Variants in CDH12 observed in about 807,000 individuals in gnomAD.
CDH12 encodes the protein cadherin 12, also known as cadherin-12.
Under a neutral mutation model 74.1 loss-of-function variants are expected in CDH12, and 41 were observed. The observed-to-expected ratio is 0.55, with a 90% CI of 0.43 to 0.72. The LOEUF is 0.72. Ranked by LOEUF, CDH12 falls within the 30% of genes least tolerant of loss-of-function variation. CDH12 has a pLI of 0.00. For synonymous variants in CDH12, 399 were observed against 355.0 expected, an observed-to-expected ratio of 1.12 and a Z score of -1.39; for missense variants, 945 against 977.2, an observed-to-expected ratio of 0.97 and a Z score of 0.44.
intron 4 of CDH12, among the ~76,000 whole-genome samples, chr5:22,155,539 C>G (rs948275040): frequency 6.6e-6 from 1 of 151,918 alleles, no homozygotes; most frequent in Non-Finnish European, 1.5e-5. Flanking sequence ...AACAATTAAG[C>G]CTAGTCTATA....
At chr5:22,852,069 T>C (rs1737581570) in intron 1 of CDH12, among the ~76,000 whole-genome samples, 1 of 152,166 alleles carries the variant, frequency 6.6e-6, no homozygotes, top group Non-Finnish European at 1.5e-5. Context: ...ATCTACTCTA[T>C]TTGAATTTTT....
intron 1 of CDH12, among the ~76,000 whole-genome samples, chr5:22,573,345 T>C: frequency 6.6e-6 from 1 of 152,294 alleles, no homozygotes; most frequent in African/African-American, 2.4e-5. Flanking sequence ...AGTTTTAAGG[T>C]AAAACTTGAG....
intron 2 of CDH12, among the ~76,000 whole-genome samples, chr5:22,417,290 G>T (rs1246614328): frequency 6.6e-6 from 1 of 152,216 alleles, no homozygotes; most frequent in Non-Finnish European, 1.5e-5. Context: ...AATGCAACAG[G>T]GTTGAGAGTT....
At chr5:22,563,118 G>GA (rs1306279142) in intron 1 of CDH12, among the ~76,000 whole-genome samples, 1 of 149,088 alleles carries the variant, frequency 6.7e-6, no homozygotes, top group Non-Finnish European at 1.5e-5. Flanking sequence ...ATAATAGGAG[G>GA]AAAACCTAAG....
At chr5:22,828,645 C>T (rs922721769) in intron 1 of CDH12, among the ~76,000 whole-genome samples, 5 of 152,080 alleles carry the variant, frequency 3.3e-5, no homozygotes, top group Admixed American at 6.6e-5. Flanking sequence ...ACTAATGTGA[C>T]CCAAGAGAAA....
At chr5:22,119,443 C>T (rs1277462960) in intron 4 of CDH12, among the ~76,000 whole-genome samples, 2 of 152,072 alleles carry the variant, frequency 1.3e-5, no homozygotes, top group East Asian at 1.9e-4. Flanking sequence ...GTGCATGCCA[C>T]CATGCCAGGC....
chr5:21,811,185 T>C (rs2149936666), intron 9 of CDH12, among the ~76,000 whole-genome samples: 1 of 152,192 alleles, frequency 6.6e-6, no homozygotes, highest in South Asian at 2.1e-4. Flanking sequence ...GCACTGTCTC[T>C]AATTCCAAAA....
chr5:22,070,278 C>T (rs1741857229), intron 5 of CDH12, among the ~76,000 whole-genome samples: 1 of 152,018 alleles, frequency 6.6e-6, no homozygotes. Flanking sequence ...GCATGCAAGA[C>T]AGTTATATTC....
intron 4 of CDH12, among the ~76,000 whole-genome samples, chr5:22,135,394 G>A (rs1250429830): frequency 1.3e-5 from 2 of 151,772 alleles, no homozygotes; most frequent in African/African-American, 2.4e-5. Flanking sequence ...CATATTTCAA[G>A]GTGAATACTG....
At chr5:22,467,067 G>A (rs896170997) in intron 2 of CDH12, among the ~76,000 whole-genome samples, 1 of 151,966 alleles carries the variant, frequency 6.6e-6, no homozygotes, top group Non-Finnish European at 1.5e-5. Flanking sequence ...TTACAAGCGT[G>A]AGCCACCGTG....
At chr5:22,032,436 G>T (rs2150174413) in intron 5 of CDH12, among the ~76,000 whole-genome samples, 1 of 152,096 alleles carries the variant, frequency 6.6e-6, no homozygotes, top group East Asian at 1.9e-4. Flanking sequence ...AAGGGGCCAG[G>T]CACGGTGGCT....
intron 3 of CDH12, among the ~76,000 whole-genome samples, chr5:22,373,289 A>G (rs1350799455): frequency 6.6e-6 from 1 of 152,052 alleles, no homozygotes; most frequent in Non-Finnish European, 1.5e-5. Context: ...ACCTGTGTGG[A>G]CTGACCTGCC....
chr5:22,809,704 G>T (rs1483491579), intron 1 of CDH12, among the ~76,000 whole-genome samples: 1 of 151,888 alleles, frequency 6.6e-6, no homozygotes, highest in Non-Finnish European at 1.5e-5. Flanking sequence ...GCAGAAGGTA[G>T]ATATCATTTC....
chr5:22,133,225 T>G (rs2150289359), intron 4 of CDH12, among the ~76,000 whole-genome samples: 1 of 152,272 alleles, frequency 6.6e-6, no homozygotes, highest in South Asian at 2.1e-4. Context: ...AACTAGTATC[T>G]TATAACTAGA....
chr5:21,769,705 G>C (rs1197220471), intron 11 of CDH12, among the ~76,000 whole-genome samples: 2 of 152,126 alleles, frequency 1.3e-5, no homozygotes, highest in African/African-American at 4.8e-5. Flanking sequence ...AAATATAAAA[G>C]AGAATTTAGG....
chr5:22,197,126 G>A (rs1314001620), intron 4 of CDH12, among the ~76,000 whole-genome samples: 1 of 151,978 alleles, frequency 6.6e-6, no homozygotes, highest in African/African-American at 2.4e-5. Flanking sequence ...TCTAACACAG[G>A]GGCCTTCAAT....
intron 5 of CDH12, among the ~76,000 whole-genome samples, chr5:21,986,013 A>T (rs1259834084): frequency 6.6e-6 from 1 of 152,112 alleles, no homozygotes; most frequent in African/African-American, 2.4e-5. Context: ...TATATGAGCA[A>T]GAGGGATACC....
chr5:22,180,776 T>A (rs1282962807), intron 4 of CDH12, among the ~76,000 whole-genome samples: 1 of 152,064 alleles, frequency 6.6e-6, no homozygotes, highest in African/African-American at 2.4e-5. Context: ...GCTGGGATTA[T>A]GGGCATGAGC....
intron 2 of CDH12, among the ~76,000 whole-genome samples, chr5:22,501,944 A>T (rs1177396671): frequency 6.6e-6 from 1 of 152,104 alleles, no homozygotes; most frequent in Admixed American, 6.6e-5. Flanking sequence ...TCAGGACCTG[A>T]TATTCATACC....
Sources: allele counts gnomAD v4.1 joint callset (sites outside exome capture counted in the v4.1 genomes callset), GRCh38; gene constraint gnomAD v4.1.1; transcripts MANE v1.5; gene names NCBI Gene and HGNC (gene_info 2026-07-23, HGNC 2026-07-21).